The following SLC9A9 variants were observed in gnomAD, a reference collection of about 807,000 sequenced individuals.
The protein encoded by SLC9A9 is sodium/hydrogen exchanger 9.
SLC9A9 carries 62 observed loss-of-function variants against 77.8 expected under a neutral mutation model. That is an observed-to-expected ratio of 0.80 (90% confidence interval 0.65 to 0.98). The LOEUF is 0.98. Ranked by LOEUF, SLC9A9 falls within the 50% of genes least tolerant of loss-of-function variation. The pLI, the probability that SLC9A9 is intolerant of heterozygous loss-of-function variation, is 0.00. For synonymous variants in SLC9A9, 320 were observed against 283.5 expected (o/e 1.13, Z -1.29); for missense variants, 775 against 774.9 (o/e 1.00, Z 0.00).
chr3:143,311,557 T>A (rs1025246666), intron 14 of SLC9A9, among the ~76,000 whole-genome samples: 9 of 152,222 alleles, frequency 5.9e-5, no homozygotes, highest in African/African-American at 2.2e-4. Flanking sequence ...TCTAAGTAAC[T>A]ACACTTTTTA....
At chr3:143,579,664 T>C (rs1188682468) in intron 6 of SLC9A9, among the ~76,000 whole-genome samples, 2 of 152,126 alleles carry the variant, frequency 1.3e-5, no homozygotes, top group Non-Finnish European at 2.9e-5. Context: ...TCAGGAAAAA[T>C]CAAGAGTTTA....
At chr3:143,784,160 T>C (rs1269063684) in intron 4 of SLC9A9, among the ~76,000 whole-genome samples, 2 of 152,204 alleles carry the variant, frequency 1.3e-5, no homozygotes, top group Non-Finnish European at 2.9e-5. Flanking sequence ...TCAACTTAAA[T>C]AAAACTTTCC....
chr3:143,389,366 A>G (rs1264773724), intron 12 of SLC9A9, among the ~76,000 whole-genome samples: 1 of 152,150 alleles, frequency 6.6e-6, no homozygotes, highest in African/African-American at 2.4e-5. Flanking sequence ...GGTGGAAAAG[A>G]AGAGAGAGAT....
intron 14 of SLC9A9, among the ~76,000 whole-genome samples, chr3:143,270,699 C>T (rs1937872715): frequency 6.6e-6 from 1 of 151,914 alleles, no homozygotes; most frequent in Admixed American, 6.6e-5. Flanking sequence ...AAAAGTTTGT[C>T]AAGGCTCTGA....
chr3:143,844,652 T>G (rs1394595811), intron 1 of SLC9A9, among the ~76,000 whole-genome samples: 1 of 152,126 alleles, frequency 6.6e-6, no homozygotes, highest in East Asian at 1.9e-4. Flanking sequence ...ACTGTTACAG[T>G]CTACTCTCAA....
chr3:143,733,804 C>T (rs754774219), intron 4 of SLC9A9, among the ~76,000 whole-genome samples: 2 of 152,062 alleles, frequency 1.3e-5, no homozygotes, highest in Non-Finnish European at 2.9e-5. Flanking sequence ...CACATGCCCC[C>T]ACTTTCCACC....
chr3:143,485,916 G>C (rs2035646749), intron 11 of SLC9A9, among the ~76,000 whole-genome samples: 1 of 151,980 alleles, frequency 6.6e-6, no homozygotes. Flanking sequence ...CCAATAAAGA[G>C]AGAGACATGA....
intron 14 of SLC9A9, among the ~76,000 whole-genome samples, chr3:143,320,523 C>A (rs2108445593): frequency 6.6e-6 from 1 of 152,256 alleles, no homozygotes; most frequent in African/African-American, 2.4e-5. Flanking sequence ...TTACTCATGG[C>A]AGAAGGTGAA....
rs114119268 is a variant in SLC9A9 at position 143,319,449 on chromosome 3, A to G, written c.1604+44035T>C. ...GTCTGTCATTTGCTTTGAAGACCAG[A>G]GCTCTACCTAATGTAAATGAGAAGT... On this transcript the variant is annotated intron_variant, in intron 14 of 15. Transcript: ENST00000316549. Among the ~76,000 whole-genome samples the G allele has an allele frequency of 5.4e-3, 825 of 152,322 alleles. 8 individuals carry two copies. Among genetic ancestry groups the G allele is most frequent in the Non-Finnish European group, 7.1e-3 (485 of 68,036 alleles).
chr3:143,594,288 C>T (rs2037713764), intron 6 of SLC9A9, among the ~76,000 whole-genome samples: 1 of 152,140 alleles, frequency 6.6e-6, no homozygotes, highest in African/African-American at 2.4e-5. Flanking sequence ...TCTATTTCAG[C>T]AAAATGTTCG....
At chr3:143,613,611 T>C (rs1442022155) in intron 6 of SLC9A9, among the ~76,000 whole-genome samples, 1 of 152,186 alleles carries the variant, frequency 6.6e-6, no homozygotes, top group East Asian at 1.9e-4. Context: ...TTTTTATAAT[T>C]GGACAGCTAA....
At chr3:143,514,991 T>C (rs2036182435) in intron 9 of SLC9A9, among the ~76,000 whole-genome samples, 1 of 152,230 alleles carries the variant, frequency 6.6e-6, no homozygotes, top group Non-Finnish European at 1.5e-5. Context: ...CATGCCTTCC[T>C]CACTAAGCTT....
chr3:143,720,398 C>T (rs1371726648), intron 4 of SLC9A9, among the ~76,000 whole-genome samples: 2 of 152,156 alleles, frequency 1.3e-5, no homozygotes, highest in Admixed American at 1.3e-4. Context: ...TATTCTTTTC[C>T]TGCCAATCAA....
chr3:143,573,269 C>T (rs753649692), intron 8 of SLC9A9, among the ~76,000 whole-genome samples: 1 of 152,078 alleles, frequency 6.6e-6, no homozygotes, highest in Non-Finnish European at 1.5e-5. Flanking sequence ...AGGATTCTTA[C>T]CATTCGAATG....
intron 6 of SLC9A9, among the ~76,000 whole-genome samples, chr3:143,614,188 G>T (rs16853938): frequency 0.31 from 46,548 of 151,998 alleles, 7,441 homozygotes; most frequent in African/African-American, 0.39. Flanking sequence ...ATCTCTGAGG[G>T]TTAAGACAGG....
chr3:143,799,000 C>T (rs1576734551), intron 2 of SLC9A9, among the ~76,000 whole-genome samples: 1 of 152,152 alleles, frequency 6.6e-6, no homozygotes, highest in East Asian at 1.9e-4. Context: ...ATCCTTTTAT[C>T]ACCTCCCCTC....
chr3:143,721,206 A>T (rs1005647683), intron 4 of SLC9A9, among the ~76,000 whole-genome samples: 5 of 152,272 alleles, frequency 3.3e-5, no homozygotes, highest in Admixed American at 2.6e-4. Context: ...CCCCCAAAAA[A>T]GTCCACATTA....
intron 8 of SLC9A9, among the ~76,000 whole-genome samples, chr3:143,563,553 T>C (rs1228415962): frequency 6.6e-6 from 1 of 152,076 alleles, no homozygotes; most frequent in Admixed American, 6.6e-5. Flanking sequence ...CCTCACTAAA[T>C]TGAGGAAGGT....
chr3:143,418,767 T>A (rs952192824), intron 12 of SLC9A9, among the ~76,000 whole-genome samples: 20 of 152,256 alleles, frequency 1.3e-4, no homozygotes, highest in African/African-American at 4.8e-4. Context: ...CTTGAGATCA[T>A]GAATTTAAAG....
Sources: allele counts gnomAD v4.1 joint callset (sites outside exome capture counted in the v4.1 genomes callset), GRCh38; gene constraint gnomAD v4.1.1; transcripts MANE v1.5; gene names NCBI Gene and HGNC (gene_info 2026-07-23, HGNC 2026-07-21).